The following PLPPR1 variants were observed in gnomAD, a reference collection of about 807,000 sequenced individuals.
PLPPR1 encodes phospholipid phosphatase related 1, also known as phospholipid phosphatase-related protein type 1.
Under a neutral mutation model 33.1 loss-of-function variants are expected in PLPPR1, and 10 were observed. The ratio of observed to expected loss-of-function variants is 0.30; its 90% CI spans 0.19 to 0.51. PLPPR1 has a LOEUF of 0.51. Among genes scored for constraint, PLPPR1 ranks in the 20% least tolerant of loss-of-function variants. The pLI is 0.97. For synonymous variants in PLPPR1, 151 were observed against 151.0 expected (o/e 1.00, Z 0.00); for missense variants, 304 against 408.1 (o/e 0.74, Z 2.20).
intron 1 of PLPPR1, among the ~76,000 whole-genome samples, chr9:101,074,962 C>A (rs1017074401): frequency 1.3e-5 from 2 of 152,134 alleles, no homozygotes; most frequent in African/African-American, 4.8e-5. Flanking sequence ...AGATCACTTA[C>A]TGTGAGCCAC....
At chr9:101,293,830 A>G (rs953436918) in intron 4 of PLPPR1, among the ~76,000 whole-genome samples, 3 of 152,154 alleles carry the variant, frequency 2.0e-5, no homozygotes, top group African/African-American at 7.2e-5. Context: ...TTATAGCACT[A>G]AATGCCCACA....
intron 1 of PLPPR1, among the ~76,000 whole-genome samples, chr9:101,108,156 G>A (rs1168073307): frequency 1.3e-5 from 2 of 152,170 alleles, no homozygotes; most frequent in African/African-American, 2.4e-5. Flanking sequence ...TTCCTATTCG[G>A]CCATCTTGGC....
At chr9:101,171,620 G>A (rs1435938915) in intron 1 of PLPPR1, among the ~76,000 whole-genome samples, 1 of 152,056 alleles carries the variant, frequency 6.6e-6, no homozygotes, top group Non-Finnish European at 1.5e-5. Flanking sequence ...AGTGAACAAA[G>A]TATTTCTCTT....
chr9:101,224,793 G>A (rs1222060169), intron 2 of PLPPR1, among the ~76,000 whole-genome samples: 4 of 152,138 alleles, frequency 2.6e-5, no homozygotes, highest in African/African-American at 9.7e-5. Context: ...GTGAAGTGGT[G>A]TGCTTATGTG....
At chr9:101,092,827 C>T (rs112503233) in intron 1 of PLPPR1, among the ~76,000 whole-genome samples, 2 of 152,028 alleles carry the variant, frequency 1.3e-5, no homozygotes, top group Admixed American at 6.6e-5. Flanking sequence ...AAGGGAATTA[C>T]GGTTAGATGA....
chr9:101,213,118 A>G (rs567624781), intron 2 of PLPPR1, among the ~76,000 whole-genome samples: 1 of 152,288 alleles, frequency 6.6e-6, no homozygotes, highest in South Asian at 2.1e-4. Context: ...CTAATGGTGA[A>G]ACTAGGGTTC....
chr9:101,035,617 A>G lies in PLPPR1; in HGVS notation c.-46+6515A>G, dbSNP rs183058244. 5.0e-3 allele frequency among the ~76,000 whole-genome samples: 767 copies of G among 152,236 alleles called. 6 individuals are homozygous for G. The highest frequency in any genetic ancestry group is 7.5e-3 in the Non-Finnish European group (513 of 68,000). On this transcript the variant is annotated intron_variant, in intron 1 of 7. Transcript: ENST00000374874. Reference sequence around the variant, plus strand: ...GTTGGCTTCTCTTTCTATGTGTTTCAGTAGTCCCCAACTCTGTATTTTTTT... The same window carrying G: ...GTTGGCTTCTCTTTCTATGTGTTTCGGTAGTCCCCAACTCTGTATTTTTTT...
At chr9:101,242,308 G>A (rs1484415615) in intron 2 of PLPPR1, among the ~76,000 whole-genome samples, 1 of 151,366 alleles carries the variant, frequency 6.6e-6, no homozygotes, top group East Asian at 2.0e-4. Flanking sequence ...CATGCTATTG[G>A]TCAAGCAAAC....
intron 3 of PLPPR1, among the ~76,000 whole-genome samples, chr9:101,284,910 A>G (rs1285525211): frequency 6.6e-6 from 1 of 152,184 alleles, no homozygotes; most frequent in Non-Finnish European, 1.5e-5. Context: ...AGGATTAGGA[A>G]AATCAAAATG....
chr9:101,292,089 T>A (rs1235881200), intron 4 of PLPPR1, among the ~76,000 whole-genome samples: 1 of 151,994 alleles, frequency 6.6e-6, no homozygotes, highest in Non-Finnish European at 1.5e-5. Flanking sequence ...TACAGAGAAG[T>A]GCTTAAAGGA....
intron 1 of PLPPR1, among the ~76,000 whole-genome samples, chr9:101,130,302 A>G (rs1354756207): frequency 6.6e-6 from 1 of 152,164 alleles, no homozygotes; most frequent in Non-Finnish European, 1.5e-5. Context: ...CACACAGATG[A>G]CGCTGAGCAG....
chr9:101,096,056 A>T (rs1325281667), intron 1 of PLPPR1, among the ~76,000 whole-genome samples: 1 of 152,158 alleles, frequency 6.6e-6, no homozygotes, highest in Non-Finnish European at 1.5e-5. Flanking sequence ...AAAGCCTTAC[A>T]ATTGCTGGAA....
In PLPPR1 at chr9:101,134,678, A is replaced by G. The variant is rs141997773; in HGVS notation, c.-45-50772A>G. On this transcript the variant is annotated intron_variant, in intron 1 of 7. Transcript: ENST00000374874. Reference sequence around the variant, plus strand: ...GGATTACAGGCAGGAGCCACCACACATGGCTAGAACAGGAAAAATTGAAAG... The same window carrying G: ...GGATTACAGGCAGGAGCCACCACACGTGGCTAGAACAGGAAAAATTGAAAG... Among the ~76,000 whole-genome samples, 394 of 152,250 alleles carry G rather than the reference A, an allele frequency of 2.6e-3. 2 individuals carry two copies. Among genetic ancestry groups the G allele is most frequent in the African/African-American group, 9.3e-3 (385 of 41,564 alleles).
In PLPPR1 at chr9:101,269,892, G is replaced by A. The variant is rs1828062916; in HGVS notation, c.76G>A (p.Ala26Thr). Residue 26 changes from alanine to threonine, a missense_variant, in exon 3 of 8, where the codon GCT becomes ACT. Coordinates refer to ENST00000374874, the MANE Select transcript of PLPPR1 (RefSeq NM_207299.2). ...GCTGTATTTTCAGCTTGTCATCATG[G>A]CTGGGACAGTGCTGCTTGCCTACTA... ...CFIFVELVIM[A>T]GTVLLAYYFE... is the part of the protein sequence containing the mutation. 6.2e-7 allele frequency: 1 copy of A among 1,614,068 alleles called. No homozygotes were observed. Among genetic ancestry groups the A allele is most frequent in the African/African-American group, 1.3e-5 (1 of 75,040 alleles).
intron 1 of PLPPR1, among the ~76,000 whole-genome samples, chr9:101,123,534 G>C (rs776369837): frequency 3.3e-5 from 5 of 152,124 alleles, no homozygotes; most frequent in Non-Finnish European, 4.4e-5. Context: ...AGTGGGACCA[G>C]GGGGCCATTG....
At chr9:101,168,991 T>A (rs144643857) in intron 1 of PLPPR1, among the ~76,000 whole-genome samples, 1 of 152,168 alleles carries the variant, frequency 6.6e-6, no homozygotes, top group African/African-American at 2.4e-5. Flanking sequence ...CTTCAGTTAC[T>A]TTTTTATATT....
intron 2 of PLPPR1, among the ~76,000 whole-genome samples, chr9:101,214,113 T>TA (rs1826739279): frequency 6.6e-6 from 1 of 152,182 alleles, no homozygotes; most frequent in South Asian, 2.1e-4. Context: ...ATGCTGGTAA[T>TA]AAAAAAGGGA....
chr9:101,180,135 T>C (rs1404080514), intron 1 of PLPPR1, among the ~76,000 whole-genome samples: 6 of 41,038 alleles, frequency 1.5e-4, no homozygotes, highest in Admixed American at 7.8e-4. Flanking sequence ...TATATATATA[T>C]ATATATATAC....
Position 101,101,885 on chromosome 9 carries a change from C to G in PLPPR1, c.-46+72783C>G, listed in dbSNP as rs533163807. ...ATGAGCTCCTCTGTTTAAACTTTTTCCTTTAAAGCCAGTCTAGAAGCCCTT... is the reference window on the plus strand; with the variant it reads ...ATGAGCTCCTCTGTTTAAACTTTTTGCTTTAAAGCCAGTCTAGAAGCCCTT... On this transcript the variant is annotated intron_variant, in intron 1 of 7. Coordinates refer to ENST00000374874, the MANE Select transcript of PLPPR1 (RefSeq NM_207299.2). 1.1e-4 allele frequency among the ~76,000 whole-genome samples: 17 copies of G among 152,194 alleles called. No homozygotes were observed. In the South Asian group the frequency reaches 3.5e-3, roughly 32 times the overall value.
Sources: gnomAD v4.1 joint callset for allele counts (sites outside exome capture counted in the v4.1 genomes callset) on GRCh38, gnomAD v4.1.1 for gene constraint, MANE v1.5 for transcripts, NCBI Gene and HGNC (gene_info 2026-07-23, HGNC 2026-07-21) for gene names.